The following SMC6 variants were observed in gnomAD, a reference collection of about 807,000 sequenced individuals.
SMC6 encodes structural maintenance of chromosomes 6, also known as structural maintenance of chromosomes protein 6.
Under a neutral mutation model 142.2 loss-of-function variants are expected in SMC6, and 79 were observed. That is an observed-to-expected ratio of 0.56 (90% CI 0.46 to 0.67). The LOEUF (loss-of-function observed/expected upper bound fraction) is 0.67. Ranked by LOEUF, SMC6 falls within the 30% of genes least tolerant of loss-of-function variation. The pLI is 0.00. For synonymous variants in SMC6, 411 were observed against 412.4 expected (o/e 1.00, Z 0.04); for missense variants, 1,072 against 1,284.0 (o/e 0.83, Z 2.52).
chr2:17,719,680 T>C (rs1669274733), intron 11 of SMC6, among the ~76,000 whole-genome samples: 2 of 152,100 alleles, frequency 1.3e-5, no homozygotes, highest in African/African-American at 4.8e-5. Flanking sequence ...TTGGTGAAAA[T>C]TTCAGAATAT....
In SMC6 at chr2:17,695,662, CACAA is replaced by C. The variant is rs535391762; in HGVS notation, c.2533-369_2533-366del. ...CTCTGAGCACCAATGGTATTAAAAA[CACAA>C]ACAAAGACCCTCATGGGGTAAAGAA... is the stretch of plus-strand genomic sequence containing the variant. On this transcript the variant is annotated intron_variant, in intron 22 of 27. Transcript: ENST00000448223. 2.6e-5 allele frequency among the ~76,000 whole-genome samples: 4 copies of C among 152,284 alleles called. No individual in the cohort carries two copies. In the South Asian group the frequency reaches 6.2e-4, roughly 24 times the overall value.
intron 8 of SMC6, among the ~76,000 whole-genome samples, 197 bp downstream of exon 8, chr2:17,726,192 G>C (rs891225030): frequency 2.9e-5 from 4 of 138,102 alleles, no homozygotes; most frequent in Admixed American, 7.3e-5. Context: ...AAGCCAAAAA[G>C]TAAAAACAAA....
At chr2:17,743,503 A>G (rs530211722) in intron 3 of SMC6, among the ~76,000 whole-genome samples, 2 of 151,974 alleles carry the variant, frequency 1.3e-5, no homozygotes, top group Non-Finnish European at 2.9e-5. Flanking sequence ...TATACCCCCT[A>G]CCCCCACACA....
At chr2:17,753,328 G>GACGGCCGCCTGGGAGGGC (rs1671174586) in intron 1 of SMC6, among the ~76,000 whole-genome samples, 1 of 151,672 alleles carries the variant, frequency 6.6e-6, no homozygotes, top group Non-Finnish European at 1.5e-5. Context: ...AGAGTCTGGG[G>GACGGCCGCCTGGGAGGGC]ACGGCCGCCT....
intron 9 of SMC6, among the ~76,000 whole-genome samples, chr2:17,721,947 T>C (rs1397164828): frequency 6.6e-6 from 1 of 152,162 alleles, no homozygotes; most frequent in Non-Finnish European, 1.5e-5. Context: ...AAATATCAAA[T>C]ACTGTGATAT....
At chr2:17,703,489 G>A (rs953027407) in intron 18 of SMC6, among the ~76,000 whole-genome samples, 197 bp from the exon 19 acceptor site, 1 of 151,932 alleles carries the variant, frequency 6.6e-6, no homozygotes, top group Non-Finnish European at 1.5e-5. Flanking sequence ...ATTCTAAACA[G>A]GAATCAAGTT....
In SMC6 at chr2:17,721,004, C is replaced by G. The variant is rs1477073309; in HGVS notation, c.881G>C (p.Arg294Thr). Residue 294 changes from arginine (R) to threonine (T), a missense_variant, in exon 11 of 28, where the codon AGA becomes ACA. Physicochemically the swap from Arg to Thr is moderately conservative, Grantham distance 71 (BLOSUM62 -1). This residue lies in a region of SMC6 where 994 missense variants were observed against 1,153.2 expected (regional missense o/e 0.86). Transcript: ENST00000448223. ...NEIEKQLNAI[R>T]DNIKIGEDRA... ...ATCTTCTCCAATTTTGATATTATCT[C>G]TGATGGCATTCAATTGTTTTTCAAT... The G allele has an allele frequency of 3.7e-6, 6 of 1,613,588 alleles. No homozygotes were observed. The highest frequency in any genetic ancestry group is 5.1e-6 in the Non-Finnish European group (6 of 1,179,894).
At chr2:17,721,838 G>A (rs1669387740) in intron 9 of SMC6, among the ~76,000 whole-genome samples, 1 of 152,132 alleles carries the variant, frequency 6.6e-6, no homozygotes, top group South Asian at 2.1e-4. Context: ...TGGGACTACA[G>A]GCATGCACCA....
chr2:17,683,844 G>A (rs1431287550), intron 23 of SMC6, 81 bp from the exon 24 acceptor site: 4 of 1,309,080 alleles, frequency 3.1e-6, no homozygotes, highest in Non-Finnish European at 4.4e-6. Flanking sequence ...AGATTTAACT[G>A]GGAAGAACAG....
intron 24 of SMC6, chr2:17,680,954 T>C (rs1188716350): frequency 1.3e-5 from 2 of 152,254 alleles, no homozygotes; most frequent in African/African-American, 2.4e-5. Context: ...TTTCCAGCTA[T>C]GAAAGCCGTA....
At chr2:17,732,231 T>C (rs1312417243) in intron 5 of SMC6, among the ~76,000 whole-genome samples, 4 of 152,240 alleles carry the variant, frequency 2.6e-5, no homozygotes, top group Non-Finnish European at 4.4e-5. Context: ...AAAATTATAC[T>C]GCCTGACTAC....
intron 7 of SMC6, among the ~76,000 whole-genome samples, chr2:17,730,031 G>C (rs560533321): frequency 2.2e-4 from 33 of 152,212 alleles, no homozygotes; most frequent in African/African-American, 7.7e-4. Context: ...ATTCTGTAAC[G>C]AGGCAGTATT....
chr2:17,719,296 A>G (rs1669255180), intron 11 of SMC6, among the ~76,000 whole-genome samples: 1 of 152,222 alleles, frequency 6.6e-6, no homozygotes, highest in Admixed American at 6.5e-5. Context: ...AAAAGTTTAA[A>G]GTCTGCTTTA....
In SMC6 at chr2:17,741,643, A is replaced by G. The variant is rs753554561; in HGVS notation, c.207T>C (p.Ser69=). The G allele has an allele frequency of 5.0e-6, 8 of 1,611,422 alleles. No homozygotes were observed. In the South Asian group the frequency reaches 8.9e-5, roughly 18 times the overall value. The change falls in exon 4 of 28, where the codon TCT becomes TCC. Residue 69 remains serine (S), a synonymous_variant. Coordinates refer to ENST00000448223, the MANE Select transcript of SMC6 (RefSeq NM_001142286.2). Reference sequence around the variant, plus strand: ...TGTTGCCAACAACAAAGTTGACATTAGAACCAAACTTAAAAGGTCCAAGCA... The same window carrying G: ...TGTTGCCAACAACAAAGTTGACATTGGAACCAAACTTAAAAGGTCCAAGCA... ...HSMLGPFKFG[S]NVNFVVGNNG... is the part of the protein sequence containing the mutation.
intron 17 of SMC6, among the ~76,000 whole-genome samples, chr2:17,708,093 T>G (rs930302952): frequency 6.6e-6 from 1 of 152,012 alleles, no homozygotes; most frequent in Non-Finnish European, 1.5e-5. Flanking sequence ...TGATTACAGA[T>G]TTGTTTTAAA....
chr2:17,685,098 A>C lies in SMC6; in HGVS notation c.2679-1335T>G, dbSNP rs889085280. ...TGTGGAAAACACATAGATGGAAATA[A>C]AGAACATAAATGAGAAAATCAAGCA... On this transcript the variant is annotated intron_variant, in intron 23 of 27. Coordinates refer to ENST00000448223, the MANE Select transcript of SMC6 (RefSeq NM_001142286.2). Among the ~76,000 whole-genome samples, 15 of 150,298 alleles carry C rather than the reference A, an allele frequency of 1.0e-4. 1 individual carries two copies. The highest frequency in any genetic ancestry group is 2.1e-4 in the Non-Finnish European group (14 of 67,822).
At chr2:17,730,339 C>T (rs1237289621) in intron 7 of SMC6, among the ~76,000 whole-genome samples, 1 of 149,762 alleles carries the variant, frequency 6.7e-6, no homozygotes, top group Non-Finnish European at 1.5e-5. Context: ...AATGCTTTAT[C>T]TTTCTAGAAT....
chr2:17,727,037 TA>T (rs1669662914), intron 7 of SMC6, among the ~76,000 whole-genome samples: 1 of 152,244 alleles, frequency 6.6e-6, no homozygotes, highest in Non-Finnish European at 1.5e-5. Flanking sequence ...GAGGATATTG[TA>T]AAACAAATGA....
Position 17,664,298 on chromosome 2 carries a change from T to G in SMC6, c.*1201A>C, listed in dbSNP as rs1666398794. 6.6e-6 allele frequency: 1 copy of G among 152,360 alleles called. No individual in the cohort carries two copies. The highest frequency in any genetic ancestry group is 2.4e-5 in the African/African-American group (1 of 41,586). 9.4% of individuals were successfully genotyped at this position (152,360 alleles called of 1,614,324 possible). A position where few individuals can be genotyped will look rare whatever the true frequency, so the allele number is the denominator to read the frequency against. ...AAAGCCCAAGTTTTTGAACTTCTCA[T>G]TTGGCAAACCTCAATTTAAGACTAA... On this transcript the variant is annotated 3_prime_UTR_variant, in exon 28 of 28. Transcript: ENST00000448223.
Sources: allele counts gnomAD v4.1 joint callset (sites outside exome capture counted in the v4.1 genomes callset), GRCh38; gene constraint gnomAD v4.1.1; regional missense constraint gnomAD v4.1.1; transcripts MANE v1.5; gene names NCBI Gene and HGNC (gene_info 2026-07-23, HGNC 2026-07-21).